The following DPYD variants were observed in gnomAD, a reference collection of about 807,000 sequenced individuals.
DPYD encodes dihydropyrimidine dehydrogenase [NADP(+)].
DPYD carries 109 observed loss-of-function variants against 116.2 expected under a neutral mutation model. That is an observed-to-expected ratio of 0.94 (90% confidence interval 0.80 to 1.10). The LOEUF (loss-of-function observed/expected upper bound fraction) is 1.10, where lower values mean the gene tolerates loss of function less well. DPYD is among the 50% of genes least tolerant of loss of function. The pLI is 0.00. For missense variants in DPYD, 1,302 were observed against 1,254.5 expected (o/e 1.04, Z -0.57); for synonymous variants, 440 against 432.0 (o/e 1.02, Z -0.23).
At chr1:97,802,322 C>T (rs1667884054) in intron 3 of DPYD, among the ~76,000 whole-genome samples, 1 of 151,846 alleles carries the variant, frequency 6.6e-6, no homozygotes, top group African/African-American at 2.4e-5. Flanking sequence ...ATAAGAACTG[C>T]CAAAATGTCA....
At chr1:97,265,993 A>T (rs1201746526) in intron 18 of DPYD, among the ~76,000 whole-genome samples, 1 of 152,224 alleles carries the variant, frequency 6.6e-6, no homozygotes, top group Non-Finnish European at 1.5e-5. Context: ...GCTTTAAGTA[A>T]AGGTAAAAAT....
chr1:97,289,021 C>A (rs1289226018), intron 18 of DPYD, among the ~76,000 whole-genome samples: 2 of 152,156 alleles, frequency 1.3e-5, no homozygotes, highest in African/African-American at 2.4e-5. Context: ...ACTGATACTG[C>A]AGAAATACAA....
intron 13 of DPYD, among the ~76,000 whole-genome samples, chr1:97,473,675 C>T (rs1677784783): frequency 6.6e-6 from 1 of 152,092 alleles, no homozygotes; most frequent in African/African-American, 2.4e-5. Flanking sequence ...AATCCTCATA[C>T]ACTATTGGCA....
chr1:97,874,420 T>C (rs548205506), intron 2 of DPYD, among the ~76,000 whole-genome samples: 1 of 151,948 alleles, frequency 6.6e-6, no homozygotes. Flanking sequence ...TATGTTTACA[T>C]AATTTACTTG....
At chr1:97,435,706 T>C (rs1200277713) in intron 14 of DPYD, among the ~76,000 whole-genome samples, 1 of 151,882 alleles carries the variant, frequency 6.6e-6, no homozygotes, top group Non-Finnish European at 1.5e-5. Context: ...TTTTAAACAA[T>C]AAAGAGGATG....
chr1:97,739,618 C>A (rs1244407518), intron 4 of DPYD, among the ~76,000 whole-genome samples: 1 of 152,064 alleles, frequency 6.6e-6, no homozygotes. Flanking sequence ...GGTATCTTTA[C>A]AGCATTTTAG....
chr1:97,867,925 G>A (rs527407294), intron 2 of DPYD, among the ~76,000 whole-genome samples: 2 of 151,806 alleles, frequency 1.3e-5, no homozygotes, highest in Admixed American at 1.3e-4. Context: ...AAAGGAAAAG[G>A]TTCAGTTGTG....
At chr1:97,640,290 C>T (rs1657813661) in intron 8 of DPYD, among the ~76,000 whole-genome samples, 2 of 151,718 alleles carry the variant, frequency 1.3e-5, no homozygotes, top group Non-Finnish European at 2.9e-5. Flanking sequence ...TTTTTACTTA[C>T]AAATTTCTTT....
chr1:97,888,127 G>C (rs1266715542), intron 1 of DPYD, among the ~76,000 whole-genome samples: 1 of 151,968 alleles, frequency 6.6e-6, no homozygotes. Flanking sequence ...GTCTTAGAGA[G>C]TACAGAATAT....
intron 13 of DPYD, among the ~76,000 whole-genome samples, chr1:97,479,858 A>G (rs1678200645): frequency 6.6e-6 from 1 of 152,226 alleles, no homozygotes; most frequent in South Asian, 2.1e-4. Context: ...ATTTGTTCTT[A>G]CTAATGGGAT....
intron 5 of DPYD, among the ~76,000 whole-genome samples, chr1:97,700,871 CAT>C (rs1661560534): frequency 6.6e-6 from 1 of 151,074 alleles, no homozygotes; most frequent in South Asian, 2.1e-4. Context: ...TTTAGTAAAA[CAT>C]ATTTAGCAAA....
chr1:97,371,051 T>C (rs925357942), intron 16 of DPYD, among the ~76,000 whole-genome samples: 10 of 152,158 alleles, frequency 6.6e-5, no homozygotes, highest in South Asian at 2.1e-4. Context: ...TTATTTTATA[T>C]AGATGTGTAT....
In DPYD at chr1:97,306,208, A is replaced by T. The variant is rs1399492718; in HGVS notation, c.2148T>A (p.Asp716Glu). The T allele has an allele frequency of 6.2e-7, 1 of 1,612,486 alleles. No homozygotes were observed. The highest frequency in any genetic ancestry group is 1.3e-5 in the African/African-American group (1 of 74,810). ...TTGCAGCTCTTGCGATGCTCACAAT[A>T]TCAGTGACATTTGGGGTCAGCTTGG... is the stretch of plus-strand genomic sequence containing the variant. ...FFAKLTPNVTDIVSIARAAKE... is the reference protein window; with the variant it reads ...FFAKLTPNVTEIVSIARAAKE... Residue 716 changes from aspartate to glutamate, a missense_variant, in exon 17 of 23, where the codon GAT becomes GAA. Coordinates refer to ENST00000370192, the MANE Select transcript of DPYD (RefSeq NM_000110.4).
chr1:97,418,306 ATTTTTT>A (rs71311934), intron 14 of DPYD, among the ~76,000 whole-genome samples: 29,449 of 144,082 alleles, frequency 0.2, 3,067 homozygotes, highest in East Asian at 0.39. Context: ...ATATAAGATG[ATTTTTT>A]TTTTTTTTTT....
intron 3 of DPYD, among the ~76,000 whole-genome samples, chr1:97,758,914 A>T (rs1401362433): frequency 2.0e-5 from 3 of 152,224 alleles, no homozygotes. Flanking sequence ...TGGAGGCTGC[A>T]GGGCTTGGCT....
At chr1:97,495,312 G>T (rs1461464188) in intron 13 of DPYD, among the ~76,000 whole-genome samples, 1 of 152,074 alleles carries the variant, frequency 6.6e-6, no homozygotes, top group African/African-American at 2.4e-5. Context: ...ATTAATTTCT[G>T]TAATGTCCAG....
intron 15 of DPYD, among the ~76,000 whole-genome samples, chr1:97,374,251 C>A (rs1481195805): frequency 1.3e-5 from 2 of 152,092 alleles, no homozygotes; most frequent in East Asian, 3.9e-4. Flanking sequence ...ATAGTTTTGT[C>A]TTAATTACTT....
At chr1:97,164,439 A>G (rs142209343) in intron 20 of DPYD, among the ~76,000 whole-genome samples, 83 of 152,284 alleles carry the variant, frequency 5.5e-4, no homozygotes, top group African/African-American at 1.9e-3. Flanking sequence ...CAATTAGGCA[A>G]GAGAAAGAAA....
chr1:97,646,610 A>AT (rs912348570), intron 8 of DPYD, among the ~76,000 whole-genome samples: 12 of 151,696 alleles, frequency 7.9e-5, no homozygotes, highest in Non-Finnish European at 1.2e-4. Context: ...TTCCATTGCA[A>AT]TTTTTTTTGG....
Sources: allele counts gnomAD v4.1 joint callset (sites outside exome capture counted in the v4.1 genomes callset), GRCh38; gene constraint gnomAD v4.1.1; transcripts MANE v1.5; gene names NCBI Gene and HGNC (gene_info 2026-07-23, HGNC 2026-07-21).